Variants in ZFYVE16 observed in about 807,000 individuals in gnomAD.
The protein encoded by ZFYVE16 is zinc finger FYVE domain-containing protein 16.
Under a neutral mutation model 138.1 loss-of-function variants are expected in ZFYVE16, and 89 were observed. That is an observed-to-expected ratio of 0.64 (90% CI 0.54 to 0.77). The LOEUF (loss-of-function observed/expected upper bound fraction) is 0.77, where lower values mean the gene tolerates loss of function less well. ZFYVE16 is among the 30% of genes least tolerant of loss of function. ZFYVE16 has a pLI of 0.00. For missense variants in ZFYVE16, 1,793 were observed against 1,786.7 expected (o/e 1.00, Z -0.06); for synonymous variants, 596 against 618.3 (o/e 0.96, Z 0.53).
At chr5:80,435,207 G>T (rs771354160) in intron 3 of ZFYVE16, among the ~76,000 whole-genome samples, 1 of 152,118 alleles carries the variant, frequency 6.6e-6, no homozygotes, top group African/African-American at 2.4e-5. Flanking sequence ...GCTAATTTTT[G>T]TATTTTTAGT....
chr5:80,466,839 C>T (rs1188352754), intron 15 of ZFYVE16, among the ~76,000 whole-genome samples: 1 of 152,130 alleles, frequency 6.6e-6, no homozygotes, highest in African/African-American at 2.4e-5. Context: ...AAGTTTATAG[C>T]AATTGGGTAT....
Position 80,437,399 on chromosome 5 carries a change from A to G in ZFYVE16, c.714A>G (p.Ser238=). 6.2e-7 allele frequency: 1 copy of G among 1,604,850 alleles called. No homozygotes were observed. The highest frequency in any genetic ancestry group is 8.5e-7 in the Non-Finnish European group (1 of 1,177,030). The change falls in exon 4 of 19, where the codon TCA becomes TCG. Residue 238 remains serine (S), a synonymous_variant. Coordinates refer to ENST00000505560, the MANE Select transcript of ZFYVE16 (RefSeq NM_001284236.3). ...KDKKIFNQLE[S]IVDFNMSSAL... is the part of the protein sequence containing the mutation. ...AAAAGATCTTTAATCAGTTAGAATC[A>G]ATTGTTGATTTTAACATGTCATCTG... is the stretch of plus-strand genomic sequence containing the variant.
rs115841290 is a variant in ZFYVE16 at position 80,474,755 on chromosome 5, G to T, written c.4386G>T (p.Leu1462=). The T allele has an allele frequency of 1.1e-5, 18 of 1,613,750 alleles. No individual in the cohort carries two copies. The highest frequency in any genetic ancestry group is 1.4e-5 in the Non-Finnish European group (17 of 1,179,864). The change falls in exon 18 of 19, where the codon CTG becomes CTT. Residue 1462 remains leucine, a synonymous_variant. Coordinates refer to ENST00000505560, the MANE Select transcript of ZFYVE16 (RefSeq NM_001284236.3). ...TAGCCATGGCTTGTAGTGCTGCGCT[G>T]TGCCCTCACCTGAAAACTCTAAAAA... ...KEIAMACSAA[L]CPHLKTLKSN...
intron 2 of ZFYVE16, among the ~76,000 whole-genome samples, chr5:80,428,976 C>T (rs1261909803): frequency 6.6e-6 from 1 of 152,196 alleles, no homozygotes; most frequent in Non-Finnish European, 1.5e-5. Context: ...AAATCTACGT[C>T]TAATTGGTGT....
At position 80,475,094 on chromosome 5, in the gene ZFYVE16, G is replaced by A. The variant is rs183296707; in HGVS notation, c.4461+264G>A. 3.3e-4 allele frequency among the ~76,000 whole-genome samples: 50 copies of A among 152,264 alleles called. No individual in the cohort carries two copies. The South Asian group carries it at 5.8e-3, about 18-fold the overall frequency. On this transcript the variant is annotated intron_variant, in intron 18 of 18. Transcript: ENST00000505560. ...ACTACTCAACACTACCATTATATTGGGAAAGCAGCCATTCACAGTATGTAA... is the reference window on the plus strand; with the variant it reads ...ACTACTCAACACTACCATTATATTGAGAAAGCAGCCATTCACAGTATGTAA...
rs1278540691 is a variant in ZFYVE16 at position 80,479,987 on chromosome 5, A to G, written c.*2610A>G. 6.6e-5 allele frequency among the ~76,000 whole-genome samples: 10 copies of G among 152,372 alleles called. No individual in the cohort carries two copies. In the East Asian group the frequency reaches 1.5e-3, roughly 24 times the overall value. On this transcript the variant is annotated 3_prime_UTR_variant, in exon 19 of 19. Transcript: ENST00000505560. ...TGAGCTTCCTTTAAGGTGTTCCCAC[A>G]CTAGTAATGCCTCCAGGTGACAGAG... is the stretch of plus-strand genomic sequence containing the variant.
At chr5:80,408,497 T>G (rs1309972914) in intron 1 of ZFYVE16, among the ~76,000 whole-genome samples, 1 of 152,212 alleles carries the variant, frequency 6.6e-6, no homozygotes, top group Non-Finnish European at 1.5e-5. Flanking sequence ...AGAAGCGCCC[T>G]GGCGCCGCCG....
At chr5:80,416,648 G>A (rs1746304542) in intron 1 of ZFYVE16, among the ~76,000 whole-genome samples, 1 of 151,184 alleles carries the variant, frequency 6.6e-6, no homozygotes, top group Non-Finnish European at 1.5e-5. Context: ...TTTCACTTGG[G>A]TCTTGTATCT....
intron 15 of ZFYVE16, 77 bp downstream of exon 15, chr5:80,459,571 C>A (rs2112489741): frequency 7.9e-7 from 1 of 1,268,352 alleles, no homozygotes; most frequent in Non-Finnish European, 1.1e-6. Context: ...TTGATATTTA[C>A]ACAAGAACAT....
chr5:80,450,854 C>T (rs923842379), intron 10 of ZFYVE16, among the ~76,000 whole-genome samples: 1 of 147,732 alleles, frequency 6.8e-6, no homozygotes, highest in Middle Eastern at 3.6e-3. Flanking sequence ...TGTCTCCACC[C>T]CGGCTGGAGT....
chr5:80,414,458 G>T (rs960568648), intron 1 of ZFYVE16, among the ~76,000 whole-genome samples: 20 of 152,262 alleles, frequency 1.3e-4, no homozygotes, highest in Admixed American at 3.9e-4. Context: ...GTATGTTTTT[G>T]AGTAGCTTCC....
At chr5:80,430,442 T>G (rs1354130895) in intron 2 of ZFYVE16, among the ~76,000 whole-genome samples, 1 of 151,800 alleles carries the variant, frequency 6.6e-6, no homozygotes, top group Non-Finnish European at 1.5e-5. Context: ...TCAAAGCATG[T>G]GTAGAGGGAA....
chr5:80,426,174 G>GATAT (rs765586658), intron 1 of ZFYVE16, among the ~76,000 whole-genome samples: 57 of 148,000 alleles, frequency 3.9e-4, no homozygotes, highest in East Asian at 1.2e-3. Flanking sequence ...CCCGGATTGA[G>GATAT]ATATATATAT....
chr5:80,440,771 A>T (rs966978970), intron 5 of ZFYVE16: 2 of 983,858 alleles, frequency 2.0e-6, no homozygotes, highest in South Asian at 4.7e-5. Flanking sequence ...AGATTCGTTG[A>T]CAGTTTAATT....
intron 2 of ZFYVE16, among the ~76,000 whole-genome samples, chr5:80,432,885 C>T (rs1476201524): frequency 6.6e-6 from 1 of 152,178 alleles, no homozygotes; most frequent in Non-Finnish European, 1.5e-5. Flanking sequence ...ATCAAAACCA[C>T]AATGAGATAC....
chr5:80,426,272 G>GTGTATATA (rs1370196862), intron 1 of ZFYVE16, among the ~76,000 whole-genome samples: 111 of 26,444 alleles, frequency 4.2e-3, no homozygotes, highest in African/African-American at 6.3e-3. Flanking sequence ...GTGTGTGTGT[G>GTGTATATA]TATATATATA....
chr5:80,448,272 C>T lies in ZFYVE16; in HGVS notation c.2971C>T (p.Pro991Ser), dbSNP rs1465530608. 3 of 1,613,586 alleles carry T rather than the reference C, an allele frequency of 1.9e-6. No individual in the cohort carries two copies. In the East Asian group the frequency reaches 6.7e-5, roughly 36 times the overall value. The change falls in exon 8 of 19, where the codon CCT becomes TCT. Residue 991 changes from proline to serine, a missense_variant. By Grantham distance (74) the Pro-to-Ser change is moderately conservative. Coordinates refer to ENST00000505560, the MANE Select transcript of ZFYVE16 (RefSeq NM_001284236.3). ...TGGTGTCTTAGTTAACAGCAATTTACCTATTGCTAGTATTTCAGATTATAG... is the reference window on the plus strand; with the variant it reads ...TGGTGTCTTAGTTAACAGCAATTTATCTATTGCTAGTATTTCAGATTATAG... The part of the protein sequence containing the change: ...PTGVLVNSNL[P>S]IASISDYRLL...
chr5:80,451,879 AC>A, intron 11 of ZFYVE16, 170 bp downstream of exon 11: 1 of 614,572 alleles, frequency 1.6e-6, no homozygotes, highest in South Asian at 2.2e-5. Context: ...GGTCTAGATA[AC>A]TGTGGTATGT....
chr5:80,423,050 G>A (rs1747469313), intron 1 of ZFYVE16, among the ~76,000 whole-genome samples: 1 of 152,146 alleles, frequency 6.6e-6, no homozygotes, highest in Non-Finnish European at 1.5e-5. Flanking sequence ...GTATAAGTTA[G>A]AAGTGTTCCC....
Sources: gnomAD v4.1 joint callset for allele counts (sites outside exome capture counted in the v4.1 genomes callset) on GRCh38, gnomAD v4.1.1 for gene constraint, MANE v1.5 for transcripts, NCBI Gene and HGNC (gene_info 2026-07-23, HGNC 2026-07-21) for gene names.